GNAQ: variants seen among roughly 807,000 people sequenced by gnomAD.
The protein encoded by GNAQ is G protein subunit alpha q, also known as guanine nucleotide-binding protein G(q) subunit alpha.
In GNAQ, 8 loss-of-function variants were observed where a neutral mutation model predicts 43.9. That is an observed-to-expected ratio of 0.18 (90% confidence interval 0.11 to 0.33). The LOEUF is 0.33. GNAQ is among the 10% of genes least tolerant of loss of function. The pLI, the probability that GNAQ is intolerant of heterozygous loss-of-function variation, is 1.00. For synonymous variants in GNAQ, 155 were observed against 170.7 expected, an observed-to-expected ratio of 0.91 and a Z score of 0.71; for missense variants, 158 against 450.8, an observed-to-expected ratio of 0.35 and a Z score of 5.88.
At chr9:77,850,357 ATCTC>A (rs372873080) in intron 2 of GNAQ, among the ~76,000 whole-genome samples, 1 of 151,016 alleles carries the variant, frequency 6.6e-6, no homozygotes, top group Non-Finnish European at 1.5e-5. Context: ...AGTCTCCTCC[ATCTC>A]TCTCTCTCAC....
intron 5 of GNAQ, among the ~76,000 whole-genome samples, chr9:77,757,396 A>G (rs1416557619): frequency 6.6e-6 from 1 of 152,188 alleles, no homozygotes; most frequent in East Asian, 1.9e-4. Flanking sequence ...CTACTAGCTT[A>G]AAAATCTCCA....
At chr9:78,025,550 G>A (rs530943181) in intron 1 of GNAQ, among the ~76,000 whole-genome samples, 1 of 152,286 alleles carries the variant, frequency 6.6e-6, no homozygotes, top group East Asian at 1.9e-4. Flanking sequence ...TTTGAAAAAT[G>A]TGACTGCCTC....
At chr9:77,830,253 T>C (rs1307776364) in intron 2 of GNAQ, among the ~76,000 whole-genome samples, 1 of 152,202 alleles carries the variant, frequency 6.6e-6, no homozygotes, top group Non-Finnish European at 1.5e-5. Flanking sequence ...GTGGTTGGCC[T>C]GGCCAAGGTT....
At chr9:77,793,161 T>C (rs554122311) in intron 5 of GNAQ, among the ~76,000 whole-genome samples, 14 of 152,196 alleles carry the variant, frequency 9.2e-5, no homozygotes, top group African/African-American at 3.1e-4. Context: ...GATAAAGATA[T>C]CATAGCTAAA....
intron 2 of GNAQ, among the ~76,000 whole-genome samples, chr9:77,837,164 T>C (rs1248877509): frequency 2.0e-5 from 3 of 152,136 alleles, no homozygotes; most frequent in Admixed American, 6.5e-5. Flanking sequence ...TGGAAAGACA[T>C]ATGTTAATCA....
intron 1 of GNAQ, among the ~76,000 whole-genome samples, chr9:78,001,051 G>T (rs1298877781): frequency 6.6e-6 from 1 of 152,172 alleles, no homozygotes; most frequent in African/African-American, 2.4e-5. Flanking sequence ...AGGCATTTCT[G>T]TCTTGACAAC....
intron 1 of GNAQ, among the ~76,000 whole-genome samples, chr9:77,952,831 A>T (rs1822998854): frequency 6.6e-6 from 1 of 152,246 alleles, no homozygotes; most frequent in Admixed American, 6.5e-5. Flanking sequence ...ATCAGGTTTC[A>T]TGCTAGTGAC....
chr9:77,870,947 G>C (rs563346459), intron 2 of GNAQ, among the ~76,000 whole-genome samples: 16 of 152,192 alleles, frequency 1.1e-4, no homozygotes, highest in African/African-American at 3.9e-4. Context: ...AAAGCAATTA[G>C]TTGTCTAGGG....
chr9:77,863,503 A>G (rs1282005235), intron 2 of GNAQ, among the ~76,000 whole-genome samples: 4 of 152,028 alleles, frequency 2.6e-5, no homozygotes, highest in South Asian at 4.2e-4. Context: ...ACTTTCCTAC[A>G]TTTTCCTGTC....
intron 5 of GNAQ, among the ~76,000 whole-genome samples, chr9:77,784,678 G>T (rs1416852996): frequency 6.6e-6 from 1 of 152,118 alleles, no homozygotes; most frequent in Non-Finnish European, 1.5e-5. Context: ...TAGTGAAAAG[G>T]CAAGTCATGA....
At chr9:77,784,574 T>C (rs895957055) in intron 5 of GNAQ, among the ~76,000 whole-genome samples, 8 of 152,288 alleles carry the variant, frequency 5.3e-5, no homozygotes, top group Admixed American at 2.6e-4. Context: ...TATCCACTTA[T>C]AAAATATAAA....
In GNAQ at chr9:77,868,109, A is replaced by C. The variant is rs534186017; in HGVS notation, c.322-52339T>G. Among the ~76,000 whole-genome samples the C allele has an allele frequency of 2.0e-5, 3 of 152,356 alleles. No homozygotes were observed. In the East Asian group the frequency reaches 5.8e-4, roughly 29 times the overall value. On this transcript the variant is annotated intron_variant, in intron 2 of 6. Coordinates refer to ENST00000286548, the MANE Select transcript of GNAQ (RefSeq NM_002072.5). The stretch of plus-strand genomic sequence containing the variant: ...ATCAGCATATACTGGAATATACTTT[A>C]GACTTTATAAGTACATGTGCATATC...
chr9:77,887,156 A>G (rs1283053492), intron 2 of GNAQ, among the ~76,000 whole-genome samples: 1 of 142,902 alleles, frequency 7.0e-6, no homozygotes, highest in African/African-American at 2.6e-5. Flanking sequence ...ATAAAGTAAA[A>G]TAAAATAAAA....
intron 1 of GNAQ, among the ~76,000 whole-genome samples, chr9:78,025,611 T>A (rs1823968127): frequency 6.6e-6 from 1 of 152,194 alleles, no homozygotes. Context: ...CACAAACTTG[T>A]ATTTTCCTCA....
intron 1 of GNAQ, among the ~76,000 whole-genome samples, chr9:77,956,349 T>TA (rs766078610): frequency 9.2e-5 from 14 of 152,254 alleles, no homozygotes; most frequent in African/African-American, 4.8e-5. Context: ...TTAAGATTCC[T>TA]AGCTATCTTG....
chr9:77,722,653 CTTT>C (rs36194112), intron 6 of GNAQ, among the ~76,000 whole-genome samples: 46,517 of 115,742 alleles, frequency 0.4, 9,244 homozygotes, highest in Non-Finnish European at 0.52. Context: ...TATCTAAGGA[CTTT>C]TTTTTTTTTT....
chr9:77,766,380 A>G (rs141368910), intron 5 of GNAQ, among the ~76,000 whole-genome samples: 79 of 152,322 alleles, frequency 5.2e-4, no homozygotes, highest in African/African-American at 1.9e-3. Flanking sequence ...TAAAGTACAT[A>G]TTAGAAAGTG....
At chr9:77,963,096 T>A (rs1376401240) in intron 1 of GNAQ, among the ~76,000 whole-genome samples, 4 of 151,968 alleles carry the variant, frequency 2.6e-5, no homozygotes, top group Non-Finnish European at 4.4e-5. Flanking sequence ...AAAATTGAAG[T>A]AAGAACAAAT....
intron 5 of GNAQ, among the ~76,000 whole-genome samples, chr9:77,781,174 C>T (rs1826387633): frequency 6.6e-6 from 1 of 151,802 alleles, no homozygotes; most frequent in Admixed American, 6.6e-5. Flanking sequence ...AAATCTTTTC[C>T]CAGACCTATG....
Sources: allele counts gnomAD v4.1 joint callset (sites outside exome capture counted in the v4.1 genomes callset), GRCh38; gene constraint gnomAD v4.1.1; transcripts MANE v1.5; gene names NCBI Gene and HGNC (gene_info 2026-07-23, HGNC 2026-07-21).